MAP3K2: variants seen among roughly 807,000 people sequenced by gnomAD.
MAP3K2 encodes MAP/ERK kinase kinase 2.
MAP3K2 carries 24 observed loss-of-function variants against 80.3 expected under a neutral mutation model. That is an observed-to-expected ratio of 0.30 (90% confidence interval 0.22 to 0.42). MAP3K2 has a LOEUF of 0.42. MAP3K2 is among the 10% of genes least tolerant of loss of function. The pLI, the probability that MAP3K2 is intolerant of heterozygous loss-of-function variation, is 1.00. For synonymous variants in MAP3K2, 244 were observed against 253.7 expected (o/e 0.96, Z 0.36); for missense variants, 608 against 750.1 (o/e 0.81, Z 2.21).
intron 1 of MAP3K2, among the ~76,000 whole-genome samples, chr2:127,348,497 A>T (rs1573996616): frequency 2.0e-5 from 3 of 152,324 alleles, no homozygotes; most frequent in Admixed American, 1.3e-4. Context: ...CCAGATTTTT[A>T]AAAAGCCCCA....
chr2:127,308,451 T>C, intron 16 of MAP3K2, 134 bp downstream of exon 16: 1 of 718,684 alleles, frequency 1.4e-6, no homozygotes, highest in Non-Finnish European at 2.2e-6. Context: ...ATTAATATAG[T>C]GTTAATCTTC....
chr2:127,375,428 T>TTTA (rs1687135465), intron 1 of MAP3K2, among the ~76,000 whole-genome samples: 1 of 151,302 alleles, frequency 6.6e-6, no homozygotes, highest in African/African-American at 2.4e-5. Context: ...ATTTTTTTTT[T>TTTA]GAGACAGAGT....
At chr2:127,387,423 A>ACACACACACACACACACACACACGC (rs1553520024) in intron 1 of MAP3K2, 29 bp downstream of exon 1, 1 of 442,066 alleles carries the variant, frequency 2.3e-6, no homozygotes, top group African/African-American at 6.3e-5. Context: ...CACACACACA[A>ACACACACACACACACACACACACGC]GCGCGCGCGC....
chr2:127,341,592 G>A (rs141452530), intron 2 of MAP3K2, among the ~76,000 whole-genome samples: 1,480 of 146,084 alleles, frequency 0.01, 20 homozygotes, highest in African/African-American at 0.035. Flanking sequence ...GAGTGCAGTG[G>A]CGTGATCTCG....
At chr2:127,316,393 ATGGAAATGCATGT>A (rs1685905712) in intron 14 of MAP3K2, among the ~76,000 whole-genome samples, 1 of 152,244 alleles carries the variant, frequency 6.6e-6, no homozygotes, top group Non-Finnish European at 1.5e-5. Flanking sequence ...AATAAAAATT[ATGGAAATGCATGT>A]ATTTTTAAAT....
rs1168171306 is a variant in MAP3K2, at chr2:127,301,710, T to G, written c.*5869A>C. The G allele has an allele frequency of 6.6e-6, 1 of 152,196 alleles. No individual in the cohort carries two copies. 9.4% of individuals were successfully genotyped at this position (152,196 alleles called of 1,614,324 possible). ...GACTATCAATTAAAATGCACAATTA[T>G]GAAAAATAAGAATTCTATGAGACTG... On this transcript the variant is annotated 3_prime_UTR_variant, in exon 17 of 17. Transcript: ENST00000682094.
At chr2:127,326,255 A>G in intron 8 of MAP3K2, among the ~76,000 whole-genome samples, 1 of 113,388 alleles carries the variant, frequency 8.8e-6, no homozygotes, top group East Asian at 3.2e-4. Context: ...AATGCGATGC[A>G]ATGCAATGTT....
At chr2:127,371,753 A>G (rs1389226651) in intron 1 of MAP3K2, among the ~76,000 whole-genome samples, 1 of 152,200 alleles carries the variant, frequency 6.6e-6, no homozygotes, top group Non-Finnish European at 1.5e-5. Context: ...GGCAGGTCAT[A>G]TGAAGAGGGA....
intron 11 of MAP3K2, among the ~76,000 whole-genome samples, chr2:127,323,280 CAG>C (rs1434755885): frequency 1.3e-5 from 2 of 151,818 alleles, no homozygotes; most frequent in African/African-American, 4.8e-5. Context: ...CGCTTGAACC[CAG>C]GAGGTGGAGG....
In MAP3K2 at chr2:127,299,930, T is replaced by C. The variant is rs1351385497; in HGVS notation, c.*7649A>G. On this transcript the variant is annotated 3_prime_UTR_variant, in exon 17 of 17. Transcript: ENST00000682094. ...ATAAGAACTTACTGGGATATATACA[T>C]GTGCCTACAGACAGAAAAAAACATC... The C allele has an allele frequency of 1.3e-5, 2 of 149,888 alleles. No homozygotes were observed. The highest frequency in any genetic ancestry group is 3.0e-5 in the Non-Finnish European group (2 of 67,584). 9.3% of individuals were successfully genotyped at this position (149,888 alleles called of 1,614,324 possible).
chr2:127,318,155 G>T lies in MAP3K2; in HGVS notation c.1194+14C>A, dbSNP rs758742451. ...CTTATAATGTGACAAAGTAATTTGT[G>T]CAGTGATTTTTACCTTGCTGGTCTC... is the stretch of plus-strand genomic sequence containing the variant. On this transcript the variant is annotated intron_variant, in intron 13 of 16. Coordinates refer to ENST00000682094, the MANE Select transcript of MAP3K2 (RefSeq NM_001371910.2). The T allele has an allele frequency of 3.2e-6, 5 of 1,565,646 alleles. No individual in the cohort carries two copies. In the East Asian group the frequency reaches 7.0e-5, roughly 22 times the overall value.
At chr2:127,383,519 C>A (rs1230285813) in intron 1 of MAP3K2, among the ~76,000 whole-genome samples, 2 of 152,094 alleles carry the variant, frequency 1.3e-5, no homozygotes, top group South Asian at 4.1e-4. Context: ...TTTTTGTACA[C>A]TGATTTTGTA....
intron 1 of MAP3K2, among the ~76,000 whole-genome samples, chr2:127,381,774 T>C (rs1391349663): frequency 6.6e-6 from 1 of 152,196 alleles, no homozygotes; most frequent in Admixed American, 6.5e-5. Context: ...CGTCTCCTAA[T>C]GGGAGGCATA....
intron 11 of MAP3K2, among the ~76,000 whole-genome samples, chr2:127,323,184 TGG>T (rs1199660345): frequency 6.6e-6 from 1 of 150,924 alleles, no homozygotes; most frequent in Admixed American, 6.6e-5. Context: ...AGTGGATCAC[TGG>T]AGATCAGGAG....
At chr2:127,325,697 T>C (rs1317042758) in intron 9 of MAP3K2, 31 bp downstream of exon 9, 1 of 1,545,454 alleles carries the variant, frequency 6.5e-7, no homozygotes, top group Non-Finnish European at 8.9e-7. Flanking sequence ...AATAAACAAA[T>C]AAACCCTCCA....
intron 14 of MAP3K2, among the ~76,000 whole-genome samples, chr2:127,315,763 A>AC (rs773435932): frequency 2.6e-5 from 4 of 151,634 alleles, no homozygotes; most frequent in Non-Finnish European, 5.9e-5. Flanking sequence ...ACAGGGTGAA[A>AC]CCCCATCTCT....
At chr2:127,332,398 A>C (rs762608502) in intron 5 of MAP3K2, among the ~76,000 whole-genome samples, 9 of 152,220 alleles carry the variant, frequency 5.9e-5, no homozygotes, top group Non-Finnish European at 1.2e-4. Context: ...CACTAAGTCA[A>C]ATGACAGAAA....
chr2:127,303,691 A>G lies in MAP3K2; in HGVS notation c.*3888T>C, dbSNP rs1455926949. On this transcript the variant is annotated 3_prime_UTR_variant, in exon 17 of 17. Coordinates refer to ENST00000682094, the MANE Select transcript of MAP3K2 (RefSeq NM_001371910.2). ...GGATGTTAATTTAGTACCTGACATA[A>G]TAAGTTACAATTATTGAACAAACAA... 5 of 150,860 alleles carry G rather than the reference A, an allele frequency of 3.3e-5. No homozygotes were observed. In the East Asian group the frequency reaches 7.8e-4, roughly 24 times the overall value. 9.3% of individuals were successfully genotyped at this position (150,860 alleles called of 1,614,324 possible).
At chr2:127,349,143 G>GA (rs1375835647) in intron 1 of MAP3K2, among the ~76,000 whole-genome samples, 2 of 151,018 alleles carry the variant, frequency 1.3e-5, no homozygotes, top group Non-Finnish European at 3.0e-5. Context: ...CATAAAACAA[G>GA]AAAGTGTTCC....
Sources: gnomAD v4.1 joint callset for allele counts (sites outside exome capture counted in the v4.1 genomes callset) on GRCh38, gnomAD v4.1.1 for gene constraint, MANE v1.5 for transcripts, NCBI Gene and HGNC (gene_info 2026-07-23, HGNC 2026-07-21) for gene names.